The following HS6ST1 variants were observed in gnomAD, a reference collection of about 807,000 sequenced individuals.
The protein encoded by HS6ST1 is heparan sulfate 6-O-sulfotransferase 1, also known as heparan-sulfate 6-O-sulfotransferase 1.
A neutral mutation model predicts 25.2 loss-of-function variants in HS6ST1; 3 were observed. The ratio of observed to expected loss-of-function variants is 0.12; its 90% CI spans 0.05 to 0.31. The LOEUF (loss-of-function observed/expected upper bound fraction) is 0.31, where lower values mean the gene tolerates loss of function less well. Ranked by LOEUF, HS6ST1 falls within the 10% of genes least tolerant of loss-of-function variation. The pLI, the probability that HS6ST1 is intolerant of heterozygous loss-of-function variation, is 1.00. For synonymous variants in HS6ST1, 204 were observed against 275.1 expected (o/e 0.74, Z 2.56); for missense variants, 310 against 609.6 (o/e 0.51, Z 5.18).
chr2:128,292,413 C>T (rs1432887173), intron 1 of HS6ST1, among the ~76,000 whole-genome samples: 3 of 152,240 alleles, frequency 2.0e-5, no homozygotes, highest in East Asian at 1.9e-4. Context: ...GACGCCCACA[C>T]CAGTCTGGAC....
At chr2:128,276,155 T>C (rs901443535) in intron 1 of HS6ST1, among the ~76,000 whole-genome samples, 5 of 152,232 alleles carry the variant, frequency 3.3e-5, no homozygotes, top group Non-Finnish European at 7.3e-5. Context: ...ATTGAGACAG[T>C]CTCGCTCTGT....
chr2:128,294,966 GC>G (rs1472094870), intron 1 of HS6ST1, among the ~76,000 whole-genome samples: 4 of 152,082 alleles, frequency 2.6e-5, no homozygotes, highest in Admixed American at 1.3e-4. Context: ...GGCTCAGTGG[GC>G]CCCATGACCT....
At position 128,306,333 on chromosome 2, in the gene HS6ST1, T is replaced by C. The variant is rs572272881; in HGVS notation, c.527+11704A>G. 2.4e-4 allele frequency among the ~76,000 whole-genome samples: 37 copies of C among 152,212 alleles called. 1 individual carries two copies. The South Asian group carries it at 7.5e-3, about 31-fold the overall frequency. On this transcript the variant is annotated intron_variant, in intron 1 of 1. Coordinates refer to ENST00000259241, the MANE Select transcript of HS6ST1 (RefSeq NM_004807.3). ...CTGCGAAGATTTCTCTGCCAGGGAA[T>C]GTGGACCAGGATTCCAGGGAGAACG... is the stretch of plus-strand genomic sequence containing the variant.
rs893075897 is a variant in HS6ST1 at position 128,318,651 on chromosome 2, C to T, written c.-88G>A. 1 of 297,148 alleles carries T rather than the reference C, an allele frequency of 3.4e-6. No homozygotes were observed. The highest frequency in any genetic ancestry group is 1.2e-4 in the South Asian group (1 of 8,322). 18.4% of individuals were successfully genotyped at this position (297,148 alleles called of 1,614,324 possible). On this transcript the variant is annotated 5_prime_UTR_variant, in exon 1 of 2. Coordinates refer to ENST00000259241, the MANE Select transcript of HS6ST1 (RefSeq NM_004807.3). This position sits in a 1 kb window ranked among gnomAD's most constrained non-coding sequence, Gnocchi z 5.7. ...GCAGCTGCCTCCGCCGCCGCCCGCG[C>T]TCCGGCCCGGCCCGGCTACTCGGCG... is the stretch of plus-strand genomic sequence containing the variant.
chr2:128,314,451 CAG>C (rs1156741702), intron 1 of HS6ST1, among the ~76,000 whole-genome samples: 1 of 152,176 alleles, frequency 6.6e-6, no homozygotes, highest in Non-Finnish European at 1.5e-5. Flanking sequence ...CCTAAGGCAA[CAG>C]GGGAGCCTAG....
At chr2:128,292,904 C>T (rs1275834496) in intron 1 of HS6ST1, among the ~76,000 whole-genome samples, 2 of 152,038 alleles carry the variant, frequency 1.3e-5, no homozygotes, top group South Asian at 2.1e-4. Flanking sequence ...GGGAAGGCAG[C>T]GGTCGGGGAG....
chr2:128,265,960 C>A lies in HS6ST1; in HGVS notation c.*2202G>T, dbSNP rs1262004090. On this transcript the variant is annotated 3_prime_UTR_variant, in exon 2 of 2. Transcript: ENST00000259241. Reference sequence around the variant, plus strand: ...GGGCTGAGGGCACTGCCAGCTGCCGCCGCCTCTGGACACCTCAGCCCGGCG... The same window carrying A: ...GGGCTGAGGGCACTGCCAGCTGCCGACGCCTCTGGACACCTCAGCCCGGCG... The A allele has an allele frequency of 6.6e-6, 1 of 151,670 alleles. No individual in the cohort carries two copies. The highest frequency in any genetic ancestry group is 1.5e-5 in the Non-Finnish European group (1 of 67,872). 9.4% of individuals were successfully genotyped at this position (151,670 alleles called of 1,614,324 possible). A position where few individuals can be genotyped will look rare whatever the true frequency, so the allele number is the denominator to read the frequency against.
chr2:128,302,744 G>C (rs1009786149), intron 1 of HS6ST1, among the ~76,000 whole-genome samples: 6 of 152,146 alleles, frequency 3.9e-5, no homozygotes, highest in African/African-American at 1.4e-4. Flanking sequence ...TTGAGGCTAG[G>C]TCTCCCATTG....
rs189245216 is a variant in HS6ST1 at position 128,289,046 on chromosome 2, G to A, written c.528-20176C>T. 1.2e-4 allele frequency among the ~76,000 whole-genome samples: 18 copies of A among 152,288 alleles called. No homozygotes were observed. In the East Asian group the frequency reaches 3.5e-3, roughly 29 times the overall value. Reference sequence around the variant, plus strand: ...ATATAAACACAGAGGCGGCCGCGGAGAGATGGCCTTGCATGCTCTTGAATG... The same window carrying A: ...ATATAAACACAGAGGCGGCCGCGGAAAGATGGCCTTGCATGCTCTTGAATG... On this transcript the variant is annotated intron_variant, in intron 1 of 1. Coordinates refer to ENST00000259241, the MANE Select transcript of HS6ST1 (RefSeq NM_004807.3).
At chr2:128,275,316 G>A (rs566854442) in intron 1 of HS6ST1, among the ~76,000 whole-genome samples, 7 of 152,310 alleles carry the variant, frequency 4.6e-5, no homozygotes, top group African/African-American at 1.7e-4. Context: ...AGGACAGACT[G>A]TGTGAGGGTG....
intron 1 of HS6ST1, among the ~76,000 whole-genome samples, chr2:128,299,846 G>A (rs938598450): frequency 1.3e-5 from 2 of 152,190 alleles, no homozygotes; most frequent in East Asian, 1.9e-4. Flanking sequence ...GGGTGCTGGC[G>A]AGGGCAGCAG....
chr2:128,293,889 G>A (rs1270524788), intron 1 of HS6ST1, among the ~76,000 whole-genome samples: 5 of 152,188 alleles, frequency 3.3e-5, no homozygotes, highest in Non-Finnish European at 7.4e-5. Flanking sequence ...GTGTGGAATG[G>A]CCATGCTGAG....
At chr2:128,293,033 C>A (rs1371388763) in intron 1 of HS6ST1, among the ~76,000 whole-genome samples, 1 of 152,198 alleles carries the variant, frequency 6.6e-6, no homozygotes, top group Non-Finnish European at 1.5e-5. Context: ...CCCCCCGCTG[C>A]CCACAGCCTG....
chr2:128,300,576 G>A (rs1694109454), intron 1 of HS6ST1, among the ~76,000 whole-genome samples: 2 of 152,178 alleles, frequency 1.3e-5, no homozygotes, highest in African/African-American at 4.8e-5. Context: ...GGGACAGCTG[G>A]GACCCCCATA....
At chr2:128,296,105 C>T (rs184464015) in intron 1 of HS6ST1, among the ~76,000 whole-genome samples, 1 of 152,334 alleles carries the variant, frequency 6.6e-6, no homozygotes, top group East Asian at 1.9e-4. Flanking sequence ...CAAGCCCTCA[C>T]CAGTTCCACA....
intron 1 of HS6ST1, among the ~76,000 whole-genome samples, chr2:128,302,102 T>A (rs1377933044): frequency 6.6e-6 from 1 of 152,204 alleles, no homozygotes; most frequent in Non-Finnish European, 1.5e-5. Context: ...GTGTCACTGC[T>A]CAGTGTGACC....
intron 1 of HS6ST1, among the ~76,000 whole-genome samples, chr2:128,282,720 G>C (rs866101134): frequency 6.6e-6 from 1 of 152,222 alleles, no homozygotes; most frequent in Non-Finnish European, 1.5e-5. Flanking sequence ...CCCACCAACC[G>C]GTGGAGGCCT....
In HS6ST1 at chr2:128,266,092, A is replaced by G. The variant is rs1445492234; in HGVS notation, c.*2070T>C. Reference sequence around the variant, plus strand: ...GGCATAAGTTAACACATATTCCAATATGTACAAAACAACCTGCGCTCAGGC... The same window carrying G: ...GGCATAAGTTAACACATATTCCAATGTGTACAAAACAACCTGCGCTCAGGC... On this transcript the variant is annotated 3_prime_UTR_variant, in exon 2 of 2. Transcript: ENST00000259241. The G allele has an allele frequency of 6.6e-6, 1 of 151,420 alleles. No homozygotes were observed. The highest frequency in any genetic ancestry group is 1.5e-5 in the Non-Finnish European group (1 of 67,818). 9.4% of individuals were successfully genotyped at this position (151,420 alleles called of 1,614,324 possible). A position where few individuals can be genotyped will look rare whatever the true frequency, so the allele number is the denominator to read the frequency against.
intron 1 of HS6ST1, among the ~76,000 whole-genome samples, chr2:128,309,486 G>A (rs1390521816): frequency 2.0e-5 from 3 of 152,352 alleles, no homozygotes; most frequent in East Asian, 1.9e-4. Context: ...GCCCCAGCAG[G>A]AGGCCCTGTC....
Sources: allele counts gnomAD v4.1 joint callset (sites outside exome capture counted in the v4.1 genomes callset), GRCh38; gene constraint gnomAD v4.1.1; non-coding constraint Gnocchi (gnomAD v3.1); transcripts MANE v1.5; gene names NCBI Gene and HGNC (gene_info 2026-07-23, HGNC 2026-07-21).